Variants in SERPINE2 observed in about 807,000 individuals in gnomAD.
SERPINE2 encodes the protein serpin family E member 2, also known as glia-derived nexin.
SERPINE2 carries 14 observed loss-of-function variants against 36.3 expected under a neutral mutation model. That is an observed-to-expected ratio of 0.39 (90% confidence interval 0.25 to 0.60). The LOEUF (loss-of-function observed/expected upper bound fraction) is 0.60. Among genes scored for constraint, SERPINE2 ranks in the 20% least tolerant of loss-of-function variants. SERPINE2 has a pLI of 0.57. For synonymous variants in SERPINE2, 192 were observed against 191.8 expected (o/e 1.00, Z -0.01); for missense variants, 418 against 499.6 (o/e 0.84, Z 1.56).
At chr2:223,996,381 G>A (rs1212081738) in intron 3 of SERPINE2, among the ~76,000 whole-genome samples, 6 of 152,230 alleles carry the variant, frequency 3.9e-5, no homozygotes, top group East Asian at 3.9e-4. Flanking sequence ...CTGACCTCCC[G>A]ATGGTTTATG....
At chr2:224,022,134 G>A (rs1406118114) in intron 1 of SERPINE2, among the ~76,000 whole-genome samples, 11 of 143,720 alleles carry the variant, frequency 7.7e-5, no homozygotes, top group Admixed American at 2.2e-4. Flanking sequence ...ACTCCAGCCT[G>A]GGCAACAGAG....
intron 5 of SERPINE2, among the ~76,000 whole-genome samples, chr2:223,983,691 TATGCAC>T (rs1187923386): frequency 0.037 from 1,888 of 51,534 alleles, 39 homozygotes; most frequent in African/African-American, 0.098. Flanking sequence ...TATGGAGATA[TATGCAC>T]ACACACACAC....
In SERPINE2 at chr2:224,004,380, C is replaced by T. The variant is rs529719824; in HGVS notation, c.-22-2458G>A. On this transcript the variant is annotated intron_variant, in intron 1 of 8. Transcript: ENST00000409304. ...GCTTTTCTAAAGATTTAGAATGTTCCGTGTTTCTCCAGAGCTTCATTGTAA... is the reference window on the plus strand; with the variant it reads ...GCTTTTCTAAAGATTTAGAATGTTCTGTGTTTCTCCAGAGCTTCATTGTAA... Among the ~76,000 whole-genome samples, 11 of 152,292 alleles carry T rather than the reference C, an allele frequency of 7.2e-5. No homozygotes were observed. In the South Asian group the frequency reaches 2.1e-3, roughly 29 times the overall value.
chr2:223,992,483 GTATGTTA>G (rs1250963601), intron 3 of SERPINE2, among the ~76,000 whole-genome samples: 1 of 87,726 alleles, frequency 1.1e-5, no homozygotes, highest in Non-Finnish European at 3.0e-5. Context: ...ACTTCAGCCT[GTATGTTA>G]TTAAGGGTGA....
rs1690362642 is a variant in SERPINE2 at position 223,984,823 on chromosome 2, G to C, written c.813C>G (p.His271Gln). The C allele has an allele frequency of 3.1e-6, 5 of 1,614,080 alleles. No homozygotes were observed. The East Asian group carries it at 1.1e-4, about 36-fold the overall frequency. The change falls in exon 5 of 9, where the codon CAC (histidine) becomes CAG (glutamine). Residue 271 changes from histidine to glutamine, a missense_variant. Transcript: ENST00000409304. ...SSTPLSAIIP[H>Q]ISTKTIDSWM... ...AGCTGTCTATGGTCTTGGTGCTGATGTGTGGGATGATGGCAGACAGCGGAG... is the reference window on the plus strand; with the variant it reads ...AGCTGTCTATGGTCTTGGTGCTGATCTGTGGGATGATGGCAGACAGCGGAG...
At chr2:224,005,867 A>G (rs1691403574) in intron 1 of SERPINE2, among the ~76,000 whole-genome samples, 1 of 152,232 alleles carries the variant, frequency 6.6e-6, no homozygotes, top group South Asian at 2.1e-4. Flanking sequence ...ATTGGAGGGA[A>G]GATCATAAGC....
At chr2:224,030,851 T>G (rs1024761032) in intron 1 of SERPINE2, 1 of 517,528 alleles carries the variant, frequency 1.9e-6, no homozygotes, top group African/African-American at 2.1e-5. Flanking sequence ...TGGACTCTTG[T>G]GTAAATCTCT....
chr2:223,985,026 G>A, intron 4 of SERPINE2, 76 bp from the exon 5 acceptor site: 1 of 1,318,220 alleles, frequency 7.6e-7, no homozygotes, highest in East Asian at 2.3e-5. Flanking sequence ...TGGTCACCGG[G>A]ATAGCTTCAG....
At chr2:224,033,052 T>C (rs1470070768) in intron 1 of SERPINE2, among the ~76,000 whole-genome samples, 5 of 152,320 alleles carry the variant, frequency 3.3e-5, no homozygotes, top group South Asian at 4.1e-4. Flanking sequence ...AATTGGGAAC[T>C]TGCAGACAAG....
At chr2:224,022,451 T>A (rs1692037339) in intron 1 of SERPINE2, among the ~76,000 whole-genome samples, 2 of 152,208 alleles carry the variant, frequency 1.3e-5, no homozygotes, top group South Asian at 4.1e-4. Flanking sequence ...AACCCTTAAC[T>A]TTTATTTCAC....
intron 1 of SERPINE2, among the ~76,000 whole-genome samples, chr2:224,005,481 C>T (rs935050150): frequency 1.6e-4 from 25 of 152,254 alleles, no homozygotes; most frequent in Admixed American, 1.5e-3. Context: ...GGCTTATATA[C>T]GTGTCTAAGA....
intron 4 of SERPINE2, among the ~76,000 whole-genome samples, chr2:223,988,538 A>G (rs1461872181): frequency 1.3e-5 from 2 of 152,216 alleles, no homozygotes. Context: ...ATGTGAACAG[A>G]CAGGTATGAG....
chr2:224,025,691 C>T (rs1173377888), intron 1 of SERPINE2, among the ~76,000 whole-genome samples: 3 of 152,224 alleles, frequency 2.0e-5, no homozygotes, highest in African/African-American at 7.2e-5. Flanking sequence ...CTAAGCACAG[C>T]ACCTCCTTAC....
intron 1 of SERPINE2, among the ~76,000 whole-genome samples, chr2:224,032,160 G>A (rs1692400791): frequency 6.6e-6 from 1 of 152,162 alleles, no homozygotes; most frequent in Admixed American, 6.5e-5. Flanking sequence ...AAAAACTGCA[G>A]AAATAAATTT....
chr2:224,033,971 A>G (rs1692457339), intron 1 of SERPINE2, among the ~76,000 whole-genome samples: 1 of 152,238 alleles, frequency 6.6e-6, no homozygotes, highest in South Asian at 2.1e-4. Flanking sequence ...TAGTACCAAA[A>G]TGAGGGCTGG....
chr2:223,992,880 G>A (rs1034157653), intron 3 of SERPINE2, among the ~76,000 whole-genome samples: 3 of 152,180 alleles, frequency 2.0e-5, no homozygotes, highest in Non-Finnish European at 4.4e-5. Context: ...GGGAGGCCGA[G>A]GAGGAAGGAT....
rs145674379 is a variant in SERPINE2 at position 223,987,395 on chromosome 2, C to G, written c.686-2445G>C. Among the ~76,000 whole-genome samples the G allele has an allele frequency of 5.9e-3, 894 of 152,184 alleles. 8 individuals carry two copies. The highest frequency in any genetic ancestry group is 0.02 in the African/African-American group (834 of 41,510). On this transcript the variant is annotated intron_variant, in intron 4 of 8. Coordinates refer to ENST00000409304, the MANE Select transcript of SERPINE2 (RefSeq NM_001136528.2). ...AGCACAACTCCCAAGCAGAATGAAT[C>G]AAGTAAGGAAGGGGACTTGGGAGCC...
intron 4 of SERPINE2, among the ~76,000 whole-genome samples, chr2:223,989,567 C>T (rs916386969): frequency 2.6e-5 from 4 of 152,224 alleles, no homozygotes; most frequent in African/African-American, 9.6e-5. Flanking sequence ...TCAAGACAAT[C>T]CTTCCCTATC....
chr2:224,012,389 G>A (rs1056186082), intron 1 of SERPINE2, among the ~76,000 whole-genome samples: 2 of 152,062 alleles, frequency 1.3e-5, no homozygotes, highest in Non-Finnish European at 2.9e-5. Context: ...ATACATTCTG[G>A]ATATATCTTA....
Sources: allele counts gnomAD v4.1 joint callset (sites outside exome capture counted in the v4.1 genomes callset), GRCh38; gene constraint gnomAD v4.1.1; transcripts MANE v1.5; gene names NCBI Gene and HGNC (gene_info 2026-07-23, HGNC 2026-07-21).